The following SORCS2 variants were observed in gnomAD, a reference collection of about 807,000 sequenced individuals.
SORCS2 encodes the protein sortilin related VPS10 domain containing receptor 2, also known as VPS10 domain-containing receptor SorCS2.
Under a neutral mutation model 141.6 loss-of-function variants are expected in SORCS2, and 100 were observed. The observed-to-expected ratio is 0.71, with a 90% CI of 0.60 to 0.83. The LOEUF is 0.83. Ranked by LOEUF, SORCS2 falls within the 40% of genes least tolerant of loss-of-function variation. The pLI, the probability that SORCS2 is intolerant of heterozygous loss-of-function variation, is 0.00. For synonymous variants in SORCS2, 789 were observed against 676.9 expected (o/e 1.17, Z -2.57); for missense variants, 1,646 against 1,560.2 (o/e 1.05, Z -0.93).
intron 1 of SORCS2, among the ~76,000 whole-genome samples, chr4:7,239,652 G>C (rs1431003580): frequency 6.6e-6 from 1 of 152,140 alleles, no homozygotes; most frequent in Non-Finnish European, 1.5e-5. Context: ...GTCGCTGGGC[G>C]AGTCTCGCAC....
chr4:7,659,295 A>G (rs1448057853), intron 5 of SORCS2, among the ~76,000 whole-genome samples: 1 of 152,078 alleles, frequency 6.6e-6, no homozygotes, highest in Non-Finnish European at 1.5e-5. Context: ...AAAAGAAAAA[A>G]AAAAAATCCG....
chr4:7,479,177 C>T (rs974575495), intron 2 of SORCS2, among the ~76,000 whole-genome samples: 4 of 151,828 alleles, frequency 2.6e-5, no homozygotes, highest in South Asian at 2.1e-4. Flanking sequence ...CCCTCTCTCT[C>T]GGTGGACTTC....
intron 2 of SORCS2, among the ~76,000 whole-genome samples, chr4:7,494,493 C>T (rs550107294): frequency 9.3e-4 from 137 of 146,724 alleles, no homozygotes; most frequent in African/African-American, 3.2e-3. Context: ...TGTCTGCCTC[C>T]TCGCTGTGTC....
At chr4:7,723,645 C>G in intron 18 of SORCS2, 52 bp from the exon 19 acceptor site, 1 of 1,590,168 alleles carries the variant, frequency 6.3e-7, no homozygotes, top group Non-Finnish European at 8.6e-7. Context: ...ACCACTCTGG[C>G]CCCTCAGCTT....
chr4:7,591,034 C>A (rs1395300225), intron 3 of SORCS2, among the ~76,000 whole-genome samples: 4 of 152,222 alleles, frequency 2.6e-5, no homozygotes, highest in Non-Finnish European at 5.9e-5. Context: ...TGGCTGTCAT[C>A]TCCCCACAGC....
At chr4:7,336,440 T>C (rs1719994786) in intron 1 of SORCS2, among the ~76,000 whole-genome samples, 1 of 151,270 alleles carries the variant, frequency 6.6e-6, no homozygotes, top group African/African-American at 2.4e-5. Context: ...TGAAGGACTC[T>C]TGTCTCCAAG....
intron 2 of SORCS2, among the ~76,000 whole-genome samples, chr4:7,479,725 C>T (rs1730513479): frequency 6.6e-6 from 1 of 152,260 alleles, no homozygotes; most frequent in African/African-American, 2.4e-5. Flanking sequence ...CCCCAGGACG[C>T]TGAGCCCCAA....
chr4:7,389,117 G>C (rs1369104312), intron 1 of SORCS2, among the ~76,000 whole-genome samples: 1 of 152,106 alleles, frequency 6.6e-6, no homozygotes, highest in African/African-American at 2.4e-5. Context: ...GCGGCTTGTT[G>C]GTGAACAAAT....
intron 3 of SORCS2, among the ~76,000 whole-genome samples, chr4:7,574,451 C>T (rs903698872): frequency 2.0e-5 from 3 of 152,214 alleles, no homozygotes; most frequent in African/African-American, 7.2e-5. Context: ...CTCGCCCCTG[C>T]CTTGCTTGGC....
chr4:7,566,701 G>A (rs1012872740), intron 3 of SORCS2, among the ~76,000 whole-genome samples: 32 of 152,386 alleles, frequency 2.1e-4, no homozygotes, highest in African/African-American at 7.2e-4. Context: ...AGGAAGTGAC[G>A]TGCATTGCTC....
chr4:7,192,538 C>T lies in SORCS2; in HGVS notation c.-109C>T, dbSNP rs1485779410. The T allele has an allele frequency of 8.5e-6, 8 of 942,562 alleles. No homozygotes were observed. The highest frequency in any genetic ancestry group is 1.8e-5 in the African/African-American group (1 of 56,334). The allele number at this position is 942,562 out of a possible 1,614,324, so 58.4% of individuals were successfully genotyped here. A position where few individuals can be genotyped will look rare whatever the true frequency, so the allele number is the denominator to read the frequency against. Reference sequence around the variant, plus strand: ...CCGCCGCTCCCTCCCCTCGCCGGCTCCTTTCTCTGCGCTCTCGCTCGCGCT... The same window carrying T: ...CCGCCGCTCCCTCCCCTCGCCGGCTTCTTTCTCTGCGCTCTCGCTCGCGCT... On this transcript the variant is annotated 5_prime_UTR_variant, in exon 1 of 27. Transcript: ENST00000507866. The surrounding 1 kb of genome is among the most constrained non-coding windows in gnomAD (Gnocchi z 4.0).
In SORCS2 at chr4:7,676,824, T is replaced by TCTCTCTCC. The variant is rs765132758; in HGVS notation, c.1341+600_1341+601insTCCCTCTC. ...TTCTGTCTCTCTCTCTCTCTCTCTCTCTCTCCCTCTCTCCACCCCAGCCCT... is the reference window on the plus strand; with the variant it reads ...TTCTGTCTCTCTCTCTCTCTCTCTCTCTCTCTCCCTCTCCCTCTCTCCACCCCAGCCCT... On this transcript the variant is annotated intron_variant, in intron 9 of 26. Transcript: ENST00000507866. Among the ~76,000 whole-genome samples, 35 of 49,096 alleles carry TCTCTCTCC rather than the reference T, an allele frequency of 7.1e-4. 2 individuals carry two copies. Among genetic ancestry groups the TCTCTCTCC allele is most frequent in the African/African-American group, 9.7e-4 (11 of 11,312 alleles). 32.2% of individuals were successfully genotyped at this position (49,096 alleles called of 152,430 possible). A position where few individuals can be genotyped will look rare whatever the true frequency, so the allele number is the denominator to read the frequency against.
In SORCS2 at chr4:7,662,643, C is replaced by T. The variant is rs1232581820; in HGVS notation, c.952+1079C>T. Among the ~76,000 whole-genome samples, 9 of 152,318 alleles carry T rather than the reference C, an allele frequency of 5.9e-5. No homozygotes were observed. In the South Asian group the frequency reaches 6.2e-4, roughly 11 times the overall value. ...GCTACAGAGAGAAAGATTCACTGTCCGCATCACACCACGTTGTCAGGGTTA... is the reference window on the plus strand; with the variant it reads ...GCTACAGAGAGAAAGATTCACTGTCTGCATCACACCACGTTGTCAGGGTTA... On this transcript the variant is annotated intron_variant, in intron 6 of 26. Coordinates refer to ENST00000507866, the MANE Select transcript of SORCS2 (RefSeq NM_020777.3).
chr4:7,288,370 G>A (rs1423752882), intron 1 of SORCS2, among the ~76,000 whole-genome samples: 1 of 151,970 alleles, frequency 6.6e-6, no homozygotes, highest in Admixed American at 6.5e-5. Context: ...GGGAGTGAGG[G>A]GCTCTGTATT....
chr4:7,231,990 C>T (rs1418770398), intron 1 of SORCS2, among the ~76,000 whole-genome samples: 2 of 152,114 alleles, frequency 1.3e-5, no homozygotes, highest in East Asian at 1.9e-4. Context: ...GATGTCCTGG[C>T]CCATCCTGGA....
intron 2 of SORCS2, among the ~76,000 whole-genome samples, chr4:7,511,439 G>GACACAT (rs1732639950): frequency 7.8e-6 from 1 of 128,746 alleles, no homozygotes; most frequent in Non-Finnish European, 1.6e-5. Context: ...GGGTTGGGGA[G>GACACAT]ACACACACAC....
chr4:7,584,463 G>A (rs925259540), intron 3 of SORCS2, among the ~76,000 whole-genome samples: 1 of 152,214 alleles, frequency 6.6e-6, no homozygotes, highest in African/African-American at 2.4e-5. Context: ...AAGGAACTTA[G>A]ACACTCTCTA....
intron 3 of SORCS2, among the ~76,000 whole-genome samples, chr4:7,587,564 G>A (rs1364557233): frequency 6.6e-6 from 1 of 152,222 alleles, no homozygotes; most frequent in African/African-American, 2.4e-5. Flanking sequence ...GGCAGGCCCA[G>A]GGTCTGGTAG....
chr4:7,458,810 C>G (rs1242951019), intron 2 of SORCS2, among the ~76,000 whole-genome samples: 1 of 151,900 alleles, frequency 6.6e-6, no homozygotes, highest in Non-Finnish European at 1.5e-5. Context: ...GGTGGTGTCC[C>G]CAGGGGTCAG....
Sources: allele counts gnomAD v4.1 joint callset (sites outside exome capture counted in the v4.1 genomes callset), GRCh38; gene constraint gnomAD v4.1.1; non-coding constraint Gnocchi (gnomAD v3.1); transcripts MANE v1.5; gene names NCBI Gene and HGNC (gene_info 2026-07-23, HGNC 2026-07-21).